Variants in KCTD16 observed in about 807,000 individuals in gnomAD.
KCTD16 encodes the protein potassium channel tetramerization domain containing 16.
KCTD16 carries 13 observed loss-of-function variants against 33.2 expected under a neutral mutation model. The ratio of observed to expected loss-of-function variants is 0.39; its 90% CI spans 0.25 to 0.62. The LOEUF (loss-of-function observed/expected upper bound fraction) is 0.62. Among genes scored for constraint, KCTD16 ranks in the 20% least tolerant of loss-of-function variants. The pLI is 0.50. For synonymous variants in KCTD16, 197 were observed against 195.3 expected (o/e 1.01, Z -0.07); for missense variants, 441 against 525.1 (o/e 0.84, Z 1.57).
chr5:144,246,163 GTCAGCTGAGTCTCCACTTTTCTA>G (rs1402991288), intron 3 of KCTD16, among the ~76,000 whole-genome samples: 1 of 152,130 alleles, frequency 6.6e-6, no homozygotes, highest in Non-Finnish European at 1.5e-5. Context: ...CTTCATATTA[GTCAGCTGAGTCTCCACTTTTCTA>G]TCATTATGTT....
intron 2 of KCTD16, among the ~76,000 whole-genome samples, chr5:144,196,804 A>G (rs1752948370): frequency 6.6e-6 from 1 of 152,222 alleles, no homozygotes; most frequent in South Asian, 2.1e-4. Context: ...TCTGGCAGCT[A>G]TTGGAACTGC....
chr5:144,310,723 T>A (rs190407413), intron 3 of KCTD16, among the ~76,000 whole-genome samples: 5 of 152,270 alleles, frequency 3.3e-5, no homozygotes, highest in African/African-American at 1.2e-4. Flanking sequence ...GCTCATTGAG[T>A]TGGCACTATT....
chr5:144,376,811 G>A (rs1440159274), intron 3 of KCTD16, among the ~76,000 whole-genome samples: 1 of 152,178 alleles, frequency 6.6e-6, no homozygotes, highest in African/African-American at 2.4e-5. Context: ...GATATTGAAA[G>A]TTATAAACTG....
intron 3 of KCTD16, among the ~76,000 whole-genome samples, chr5:144,268,615 C>T (rs1034536104): frequency 6.6e-6 from 1 of 152,022 alleles, no homozygotes; most frequent in African/African-American, 2.4e-5. Context: ...AAAGTAGACC[C>T]TGGTTTATAG....
intron 3 of KCTD16, among the ~76,000 whole-genome samples, chr5:144,238,041 T>C (rs1754301358): frequency 6.6e-6 from 1 of 152,172 alleles, no homozygotes; most frequent in South Asian, 2.1e-4. Flanking sequence ...CATGGGGAAA[T>C]TGATGCCATC....
intron 3 of KCTD16, among the ~76,000 whole-genome samples, chr5:144,357,977 A>C (rs2126913352): frequency 6.6e-6 from 1 of 152,216 alleles, no homozygotes; most frequent in Non-Finnish European, 1.5e-5. Flanking sequence ...AGGCTGGAGC[A>C]CAGTGGTGCA....
intron 2 of KCTD16, among the ~76,000 whole-genome samples, chr5:144,181,203 G>A (rs1436871832): frequency 6.6e-6 from 1 of 152,146 alleles, no homozygotes; most frequent in East Asian, 1.9e-4. Context: ...AAAGTGCTGG[G>A]ATTACAGGCG....
intron 3 of KCTD16, among the ~76,000 whole-genome samples, chr5:144,332,120 A>C (rs1286507494): frequency 6.6e-6 from 1 of 152,180 alleles, no homozygotes; most frequent in African/African-American, 2.4e-5. Context: ...AAATGACAAA[A>C]GAGGAGTAAA....
In KCTD16 at chr5:144,315,846, T is replaced by C. The variant is rs568344778; in HGVS notation, c.832+108300T>C. Reference sequence around the variant, plus strand: ...GTTAAAGAAATTATGAAAGATGAATTACACATGACTTAAGATTTTATTTTA... The same window carrying C: ...GTTAAAGAAATTATGAAAGATGAATCACACATGACTTAAGATTTTATTTTA... On this transcript the variant is annotated intron_variant, in intron 3 of 3. Transcript: ENST00000512467. 2.6e-5 allele frequency among the ~76,000 whole-genome samples: 4 copies of C among 152,328 alleles called. No individual in the cohort carries two copies. The South Asian group carries it at 6.2e-4, about 24-fold the overall frequency.
At chr5:144,333,028 C>T (rs1025873668) in intron 3 of KCTD16, among the ~76,000 whole-genome samples, 2 of 152,166 alleles carry the variant, frequency 1.3e-5, no homozygotes, top group South Asian at 4.1e-4. Flanking sequence ...TCAGTTACCT[C>T]TCACCCTGGC....
chr5:144,365,669 A>C (rs1391415941), intron 3 of KCTD16, among the ~76,000 whole-genome samples: 1 of 152,234 alleles, frequency 6.6e-6, no homozygotes, highest in Non-Finnish European at 1.5e-5. Flanking sequence ...TGTGAATAGC[A>C]ATTAGACAGA....
At chr5:144,417,520 C>G (rs1350832183) in intron 3 of KCTD16, among the ~76,000 whole-genome samples, 3 of 152,076 alleles carry the variant, frequency 2.0e-5, no homozygotes, top group Non-Finnish European at 2.9e-5. Flanking sequence ...AAAAAATTAT[C>G]AGATAGATGA....
intron 3 of KCTD16, among the ~76,000 whole-genome samples, chr5:144,299,042 C>A (rs1756125861): frequency 1.9e-5 from 1 of 53,308 alleles, no homozygotes; most frequent in Non-Finnish European, 3.7e-5. Context: ...TAAAACAGAT[C>A]ACTATATATA....
chr5:144,305,231 AG>A (rs1751568797), intron 3 of KCTD16, among the ~76,000 whole-genome samples: 1 of 152,002 alleles, frequency 6.6e-6, no homozygotes, highest in Non-Finnish European at 1.5e-5. Flanking sequence ...TGTTTCTTGG[AG>A]TAGGGTGGGA....
chr5:144,428,705 G>T (rs1004451418), intron 3 of KCTD16, among the ~76,000 whole-genome samples: 4 of 152,168 alleles, frequency 2.6e-5, no homozygotes, highest in African/African-American at 9.6e-5. Flanking sequence ...AGTCCAGGAA[G>T]CTAAAGCCAA....
chr5:144,226,497 T>C (rs13361039), intron 3 of KCTD16, among the ~76,000 whole-genome samples: 1,725 of 152,282 alleles, frequency 0.011, 38 homozygotes, highest in African/African-American at 0.039. Flanking sequence ...TAAATAAAAT[T>C]GATCTTATTG....
At chr5:144,289,139 T>TA (rs1351050841) in intron 3 of KCTD16, among the ~76,000 whole-genome samples, 28 of 152,328 alleles carry the variant, frequency 1.8e-4, no homozygotes, top group African/African-American at 5.5e-4. Context: ...TAACTACTTG[T>TA]ACCTTTAAAA....
intron 3 of KCTD16, among the ~76,000 whole-genome samples, chr5:144,463,878 C>T (rs1322323176): frequency 6.6e-6 from 1 of 152,174 alleles, no homozygotes; most frequent in Non-Finnish European, 1.5e-5. Context: ...TCAACATAGG[C>T]TCTGCCTATA....
chr5:144,464,774 T>TTCTTCCTCTTCTTCTTCTTCA (rs1561617898), intron 3 of KCTD16, among the ~76,000 whole-genome samples: 2 of 151,652 alleles, frequency 1.3e-5, no homozygotes, highest in African/African-American at 4.9e-5. Flanking sequence ...CTTCTTCTTC[T>TTCTTCCTCTTCTTCTTCTTCA]TCTTCCTCTT....
Sources: allele counts gnomAD v4.1 joint callset (sites outside exome capture counted in the v4.1 genomes callset), GRCh38; gene constraint gnomAD v4.1.1; transcripts MANE v1.5; gene names NCBI Gene and HGNC (gene_info 2026-07-23, HGNC 2026-07-21).